Variants in TEAD1 observed in about 807,000 individuals in gnomAD.
TEAD1 encodes TEA domain transcription factor 1.
In TEAD1, 9 loss-of-function variants were observed where a neutral mutation model predicts 54.9. The ratio of observed to expected loss-of-function variants is 0.16; its 90% CI spans 0.10 to 0.29. The LOEUF is 0.29. TEAD1 is among the 10% of genes least tolerant of loss of function. The pLI is 1.00. For missense variants in TEAD1, 387 were observed against 535.9 expected (o/e 0.72, Z 2.74); for synonymous variants, 200 against 187.8 (o/e 1.07, Z -0.53).
chr11:12,927,553 T>A (rs2134166147), intron 11 of TEAD1, among the ~76,000 whole-genome samples: 1 of 152,326 alleles, frequency 6.6e-6, no homozygotes, highest in East Asian at 1.9e-4. Context: ...AATAATTCAA[T>A]CACTTAAACA....
intron 2 of TEAD1, among the ~76,000 whole-genome samples, chr11:12,705,637 G>C (rs1943797830): frequency 6.6e-6 from 1 of 152,192 alleles, no homozygotes; most frequent in Non-Finnish European, 1.5e-5. Context: ...TTGCAGGAAT[G>C]ATGGTTTGTG....
intron 2 of TEAD1, among the ~76,000 whole-genome samples, chr11:12,689,317 G>T (rs929493723): frequency 1.3e-5 from 2 of 152,166 alleles, no homozygotes; most frequent in African/African-American, 4.8e-5. Context: ...CTTGATAGTT[G>T]TTACTATTTT....
rs755050202 is a variant in TEAD1, at chr11:12,879,836, G to A, written c.459G>A (p.Ala153=). The A allele has an allele frequency of 1.1e-5, 18 of 1,613,238 alleles. No individual in the cohort carries two copies. The highest frequency in any genetic ancestry group is 2.2e-5 in the East Asian group (1 of 44,890). ...TTCCACGCCCGACCTTCCCAGGGGCGCCGGGGGTAAGTCATGAGCTCAGTC... is the reference window on the plus strand; with the variant it reads ...TTCCACGCCCGACCTTCCCAGGGGCACCGGGGGTAAGTCATGAGCTCAGTC... The change falls in exon 6 of 13, where the codon GCG becomes GCA. Residue 153 remains alanine, a synonymous_variant. Transcript: ENST00000527636.
chr11:12,712,482 A>C (rs1462442375), intron 2 of TEAD1, among the ~76,000 whole-genome samples: 2 of 152,192 alleles, frequency 1.3e-5, no homozygotes, highest in African/African-American at 4.8e-5. Flanking sequence ...CATGTTCCCT[A>C]AACTCTGTTG....
chr11:12,696,943 C>T (rs190003659), intron 2 of TEAD1, among the ~76,000 whole-genome samples: 21 of 152,262 alleles, frequency 1.4e-4, no homozygotes, highest in Admixed American at 7.8e-4. Context: ...CCACTTCCAC[C>T]CTGTCTCAGA....
chr11:12,736,239 A>T (rs1264405082), intron 2 of TEAD1, among the ~76,000 whole-genome samples: 1 of 152,190 alleles, frequency 6.6e-6, no homozygotes, highest in East Asian at 1.9e-4. Flanking sequence ...CAAAACTGGA[A>T]TATGTGGACA....
intron 3 of TEAD1, among the ~76,000 whole-genome samples, chr11:12,830,106 C>T (rs937341946): frequency 3.9e-5 from 6 of 152,062 alleles, no homozygotes; most frequent in African/African-American, 9.7e-5. Context: ...AGCCCCCGAG[C>T]CATTGGGAAA....
At chr11:12,859,858 A>G (rs1947463574) in intron 3 of TEAD1, among the ~76,000 whole-genome samples, 1 of 152,192 alleles carries the variant, frequency 6.6e-6, no homozygotes, top group South Asian at 2.1e-4. Flanking sequence ...CCCGTATGAA[A>G]AAGACCTAGG....
At chr11:12,782,103 T>C (rs925621831) in intron 3 of TEAD1, among the ~76,000 whole-genome samples, 1 of 151,714 alleles carries the variant, frequency 6.6e-6, no homozygotes, top group East Asian at 1.9e-4. Context: ...TGAGCAGAGA[T>C]CTCCCCACGG....
intron 3 of TEAD1, among the ~76,000 whole-genome samples, chr11:12,788,621 T>C (rs1945732394): frequency 6.6e-6 from 1 of 152,240 alleles, no homozygotes; most frequent in Non-Finnish European, 1.5e-5. Context: ...AATGTACTAC[T>C]TCACCAGAGT....
In TEAD1 at chr11:12,943,067, T is replaced by C. The variant is rs945974442; in HGVS notation, c.*5845T>C. The C allele has an allele frequency of 5.9e-5, 9 of 152,324 alleles. No individual in the cohort carries two copies. Among genetic ancestry groups the C allele is most frequent in the African/African-American group, 2.2e-4 (9 of 41,568 alleles). 9.4% of individuals were successfully genotyped at this position (152,324 alleles called of 1,614,324 possible). A position where few individuals can be genotyped will look rare whatever the true frequency, so the allele number is the denominator to read the frequency against. On this transcript the variant is annotated 3_prime_UTR_variant, in exon 13 of 13. Transcript: ENST00000527636. ...CATCTTTGAAAATTAGCCTCTAAAC[T>C]CTTAATACATACGTTCTGTGTGTCT...
intron 3 of TEAD1, among the ~76,000 whole-genome samples, chr11:12,804,803 C>T (rs922796202): frequency 1.3e-5 from 2 of 152,130 alleles, no homozygotes; most frequent in African/African-American, 4.8e-5. Flanking sequence ...AAGAAAGCCC[C>T]TTTAGAGAGA....
At chr11:12,874,338 G>C (rs980387464) in intron 5 of TEAD1, among the ~76,000 whole-genome samples, 8 of 152,192 alleles carry the variant, frequency 5.3e-5, no homozygotes, top group African/African-American at 1.9e-4. Context: ...TGATCCGTGA[G>C]ATGTCCTTGA....
intron 10 of TEAD1, among the ~76,000 whole-genome samples, chr11:12,914,403 A>G (rs1948673495): frequency 6.6e-6 from 1 of 152,208 alleles, no homozygotes; most frequent in Non-Finnish European, 1.5e-5. Flanking sequence ...TTCTTATTTA[A>G]AACAGCTGTG....
chr11:12,879,810 A>T lies in TEAD1; in HGVS notation c.433A>T (p.Ile145Phe), dbSNP rs1188996654. The T allele has an allele frequency of 1.2e-6, 2 of 1,613,960 alleles. No individual in the cohort carries two copies. Among genetic ancestry groups the T allele is most frequent in the South Asian group, 2.2e-5 (2 of 91,070 alleles). Reference sequence around the variant, plus strand: ...TCATAACAAGCTGGGGCTGCCTGGGATTCCACGCCCGACCTTCCCAGGGGC... The same window carrying T: ...TCATAACAAGCTGGGGCTGCCTGGGTTTCCACGCCCGACCTTCCCAGGGGC... The change falls in exon 6 of 13, where the codon ATT becomes TTT. Residue 145 changes from isoleucine to phenylalanine, a missense_variant. By Grantham distance (21) the Ile-to-Phe change is conservative. Around this residue, in one of 5 missense-constraint regions of TEAD1, gnomAD observed 180 missense variants for 180.6 expected, o/e 1.00. Coordinates refer to ENST00000527636, the MANE Select transcript of TEAD1 (RefSeq NM_021961.6).
chr11:12,776,757 T>TTTTTTA lies in TEAD1; in HGVS notation c.202+12325_202+12326insTTTATT, dbSNP rs376436859. ...TTGTTCTTCAAAGCCCATTTGGATATTTATTATTATTATTATTATTATTAT... is the reference window on the plus strand; with the variant it reads ...TTGTTCTTCAAAGCCCATTTGGATATTTTTTATTATTATTATTATTATTATTATTAT... On this transcript the variant is annotated intron_variant, in intron 3 of 12. Coordinates refer to ENST00000527636, the MANE Select transcript of TEAD1 (RefSeq NM_021961.6). Among the ~76,000 whole-genome samples the TTTTTTA allele has an allele frequency of 1.9e-3, 260 of 137,718 alleles. 2 individuals are homozygous for TTTTTTA. The highest frequency in any genetic ancestry group is 5.5e-3 in the Admixed American group (76 of 13,844). The allele number at this position is 137,718 out of a possible 152,430, so 90.3% of individuals were successfully genotyped here. A position where few individuals can be genotyped will look rare whatever the true frequency, so the allele number is the denominator to read the frequency against.
chr11:12,839,787 G>A (rs1473538408), intron 3 of TEAD1, among the ~76,000 whole-genome samples: 2 of 152,164 alleles, frequency 1.3e-5, no homozygotes, highest in Non-Finnish European at 1.5e-5. Context: ...AGCAACAAGA[G>A]TTGGCATTCT....
At chr11:12,783,631 G>A (rs945634973) in intron 3 of TEAD1, among the ~76,000 whole-genome samples, 1 of 152,162 alleles carries the variant, frequency 6.6e-6, no homozygotes, top group Non-Finnish European at 1.5e-5. Context: ...TGGTGGAGCT[G>A]TGATTCCAAG....
chr11:12,807,561 G>A (rs1471477595), intron 3 of TEAD1, among the ~76,000 whole-genome samples: 1 of 152,100 alleles, frequency 6.6e-6, no homozygotes, highest in Non-Finnish European at 1.5e-5. Context: ...GTAGGTATGA[G>A]GATTGAAAAG....
Sources: allele counts gnomAD v4.1 joint callset (sites outside exome capture counted in the v4.1 genomes callset), GRCh38; gene constraint gnomAD v4.1.1; regional missense constraint gnomAD v4.1.1; transcripts MANE v1.5; gene names NCBI Gene and HGNC (gene_info 2026-07-23, HGNC 2026-07-21).